The following SORCS2 variants were observed in gnomAD, a reference collection of about 807,000 sequenced individuals.
SORCS2 encodes sortilin related VPS10 domain containing receptor 2, also known as VPS10 domain-containing receptor SorCS2.
SORCS2 carries 100 observed loss-of-function variants against 141.6 expected under a neutral mutation model. The ratio of observed to expected loss-of-function variants is 0.71; its 90% CI spans 0.60 to 0.83. The LOEUF (loss-of-function observed/expected upper bound fraction) is 0.83, where lower values mean the gene tolerates loss of function less well. Ranked by LOEUF, SORCS2 falls within the 40% of genes least tolerant of loss-of-function variation. The pLI, the probability that SORCS2 is intolerant of heterozygous loss-of-function variation, is 0.00. For synonymous variants in SORCS2, 789 were observed against 676.9 expected, an observed-to-expected ratio of 1.17 and a Z score of -2.57; for missense variants, 1,646 against 1,560.2, an observed-to-expected ratio of 1.05 and a Z score of -0.93.
chr4:7,231,017 C>CATATCT (rs1711838682), intron 1 of SORCS2, among the ~76,000 whole-genome samples: 1 of 152,174 alleles, frequency 6.6e-6, no homozygotes, highest in African/African-American at 2.4e-5. Context: ...TATCCATATC[C>CATATCT]ATATCCATAT....
intron 1 of SORCS2, among the ~76,000 whole-genome samples, chr4:7,319,265 G>T (rs890909493): frequency 6.6e-6 from 1 of 152,062 alleles, no homozygotes; most frequent in Admixed American, 6.5e-5. Context: ...CCTGGAAATG[G>T]GCCGGCTTCC....
At position 7,654,169 on chromosome 4, in the gene SORCS2, A is replaced by G. The variant is rs1334694631; in HGVS notation, c.849A>G (p.Thr283=). 3.2e-6 allele frequency: 5 copies of G among 1,583,956 alleles called. No individual in the cohort carries two copies. The highest frequency in any genetic ancestry group is 1.3e-5 in the African/African-American group (1 of 74,572). Residue 283 remains threonine (T), a synonymous_variant, in exon 5 of 27, where the codon ACA becomes ACG. Coordinates refer to ENST00000507866, the MANE Select transcript of SORCS2 (RefSeq NM_020777.3). ...CATCTGACTTGGGGAAAAAGTGGAC[A>G]CTTCTGCAAGAGCGAGTGACCAAAG... The part of the protein sequence containing the change: ...YVSSDLGKKW[T]LLQERVTKDH...
intron 3 of SORCS2, among the ~76,000 whole-genome samples, chr4:7,621,426 T>TGTGA (rs150982307): frequency 6.9e-6 from 1 of 144,782 alleles, no homozygotes; most frequent in Non-Finnish European, 1.6e-5. Flanking sequence ...TGTGTGTGTG[T>TGTGA]GTGAGTGTGT....
chr4:7,417,105 C>T (rs1407164326), intron 2 of SORCS2, among the ~76,000 whole-genome samples: 1 of 152,136 alleles, frequency 6.6e-6, no homozygotes, highest in Non-Finnish European at 1.5e-5. Flanking sequence ...AGGAAACTGT[C>T]TTTGTTTTCT....
chr4:7,411,589 C>G (rs1725312485), intron 2 of SORCS2, among the ~76,000 whole-genome samples: 3 of 152,042 alleles, frequency 2.0e-5, no homozygotes, highest in Admixed American at 1.3e-4. Context: ...ACTCATCCAT[C>G]ATCTTAACCA....
intron 1 of SORCS2, among the ~76,000 whole-genome samples, chr4:7,347,865 G>A (rs1244402450): frequency 1.3e-5 from 2 of 152,060 alleles, no homozygotes; most frequent in Non-Finnish European, 2.9e-5. Flanking sequence ...CGATATGATC[G>A]CACAATTAAT....
At chr4:7,465,696 CA>C (rs1447004522) in intron 2 of SORCS2, among the ~76,000 whole-genome samples, 1 of 152,168 alleles carries the variant, frequency 6.6e-6, no homozygotes, top group Non-Finnish European at 1.5e-5. Context: ...TCCTACTCAC[CA>C]AGGACAATAA....
At chr4:7,452,575 T>C (rs552492012) in intron 2 of SORCS2, among the ~76,000 whole-genome samples, 17 of 152,328 alleles carry the variant, frequency 1.1e-4, no homozygotes, top group African/African-American at 3.1e-4. Context: ...CTGTAAGCTA[T>C]GTGCTCTCCT....
intron 2 of SORCS2, among the ~76,000 whole-genome samples, chr4:7,407,625 T>C (rs4689733): frequency 0.39 from 59,436 of 151,976 alleles, 11,954 homozygotes; most frequent in Middle Eastern, 0.51. Context: ...TGTTTCTTTA[T>C]TCATTCAGCC....
chr4:7,711,075 T>TC (rs1187847345), intron 14 of SORCS2, among the ~76,000 whole-genome samples: 2 of 152,004 alleles, frequency 1.3e-5, no homozygotes, highest in African/African-American at 4.8e-5. Context: ...GGAGGCAGGG[T>TC]CCCTGGGGGG....
intron 1 of SORCS2, among the ~76,000 whole-genome samples, chr4:7,298,539 G>A (rs1432540645): frequency 6.6e-6 from 1 of 152,178 alleles, no homozygotes; most frequent in Non-Finnish European, 1.5e-5. Context: ...CTTCAGAGCA[G>A]GCTTCTTTGT....
chr4:7,420,899 T>G (rs1323259350), intron 2 of SORCS2, among the ~76,000 whole-genome samples: 3 of 152,106 alleles, frequency 2.0e-5, no homozygotes, highest in African/African-American at 7.2e-5. Flanking sequence ...AGCCTCTCGC[T>G]TGCCTCCTCT....
At chr4:7,426,981 G>C (rs1484230737) in intron 2 of SORCS2, among the ~76,000 whole-genome samples, 4 of 152,202 alleles carry the variant, frequency 2.6e-5, no homozygotes, top group African/African-American at 9.6e-5. Context: ...GGCAGCCATG[G>C]AGGCTGGGCC....
intron 2 of SORCS2, among the ~76,000 whole-genome samples, chr4:7,445,608 C>G (rs757941077): frequency 6.6e-6 from 1 of 151,990 alleles, no homozygotes; most frequent in Non-Finnish European, 1.5e-5. Flanking sequence ...CAGAACAGGG[C>G]GGGATGGAGG....
chr4:7,433,364 G>A, intron 2 of SORCS2: 2 of 1,451,068 alleles, frequency 1.4e-6, no homozygotes, highest in Non-Finnish European at 1.8e-6. Context: ...ACATGCTTCT[G>A]GCAGTGTTGC....
At chr4:7,683,351 T>C (rs566180299) in intron 10 of SORCS2, among the ~76,000 whole-genome samples, 2 of 143,550 alleles carry the variant, frequency 1.4e-5, no homozygotes, top group South Asian at 4.4e-4. Flanking sequence ...GCTGAGCGGC[T>C]CTGCTGATCT....
At chr4:7,547,757 T>G (rs1312719732) in intron 3 of SORCS2, among the ~76,000 whole-genome samples, 1 of 152,246 alleles carries the variant, frequency 6.6e-6, no homozygotes, top group Non-Finnish European at 1.5e-5. Context: ...TGTGCCTGTC[T>G]GGGGCTCTGC....
chr4:7,531,569 C>G lies in SORCS2; in HGVS notation c.588C>G (p.Leu196=). ...GGACGTCCTACACCAAGCTCACCCT[C>G]CAGCCTGGTGTCACCACCGTCATCG... is the stretch of plus-strand genomic sequence containing the variant. The part of the protein sequence containing the change: ...DFGTSYTKLT[L]QPGVTTVIDN... Residue 196 remains leucine (L), a synonymous_variant, in exon 3 of 27, where the codon CTC becomes CTG. Coordinates refer to ENST00000507866, the MANE Select transcript of SORCS2 (RefSeq NM_020777.3). The G allele has an allele frequency of 6.2e-7, 1 of 1,613,926 alleles. No individual in the cohort carries two copies. Among genetic ancestry groups the G allele is most frequent in the Admixed American group, 1.7e-5 (1 of 60,030 alleles).
At chr4:7,598,830 G>A (rs1033514136) in intron 3 of SORCS2, among the ~76,000 whole-genome samples, 7 of 152,218 alleles carry the variant, frequency 4.6e-5, no homozygotes, top group African/African-American at 1.7e-4. Context: ...CAGGGGCTGT[G>A]TTCTCCCCCC....
Sources: allele counts gnomAD v4.1 joint callset (sites outside exome capture counted in the v4.1 genomes callset), GRCh38; gene constraint gnomAD v4.1.1; transcripts MANE v1.5; gene names NCBI Gene and HGNC (gene_info 2026-07-23, HGNC 2026-07-21).